The following VASH2 variants were observed in gnomAD, a reference collection of about 807,000 sequenced individuals.
VASH2 encodes vasohibin 2, also known as tubulinyl-Tyr carboxypeptidase 2.
In VASH2, 28 loss-of-function variants were observed where a neutral mutation model predicts 37.2. The ratio of observed to expected loss-of-function variants is 0.75; its 90% CI spans 0.56 to 1.03. The LOEUF (loss-of-function observed/expected upper bound fraction) is 1.03. Among genes scored for constraint, VASH2 ranks in the 50% least tolerant of loss-of-function variants. The probability of loss-of-function intolerance (pLI) is 0.00; values close to 1 mark genes in which losing one functional copy is unlikely to be tolerated. For missense variants in VASH2, 419 were observed against 459.1 expected (o/e 0.91, Z 0.80); for synonymous variants, 188 against 174.7 (o/e 1.08, Z -0.60).
At chr1:212,953,230 C>CGG (rs60925258) in intron 2 of VASH2, among the ~76,000 whole-genome samples, 4,246 of 125,636 alleles carry the variant, frequency 0.034, 212 homozygotes, top group African/African-American at 0.1. Context: ...TGCGGGTGCG[C>CGG]GGGGGGGGGT....
Position 212,951,528 on chromosome 1 carries a change from C to G in VASH2, c.-15C>G, listed in dbSNP as rs745899287. On this transcript the variant is annotated 5_prime_UTR_variant, in exon 2 of 8. Coordinates refer to ENST00000517399, the MANE Select transcript of VASH2 (RefSeq NM_001301056.2). The surrounding 1 kb of genome is among the most constrained non-coding windows in gnomAD (Gnocchi z 4.4). ...CGCGCGCCCCCAGTACCTCGCTCCC[C>G]GCCCAGGCCCCACCATGACCGGCTC... is the stretch of plus-strand genomic sequence containing the variant. The G allele has an allele frequency of 8.8e-6, 12 of 1,358,470 alleles. No homozygotes were observed. The highest frequency in any genetic ancestry group is 1.1e-5 in the Non-Finnish European group (12 of 1,050,208). The allele number at this position is 1,358,470 out of a possible 1,614,324, so 84.2% of individuals were successfully genotyped here.
intron 7 of VASH2, among the ~76,000 whole-genome samples, chr1:212,988,053 C>T (rs1375447285): frequency 6.6e-6 from 1 of 152,168 alleles, no homozygotes; most frequent in Non-Finnish European, 1.5e-5. Flanking sequence ...CAAGCCTGAA[C>T]ATTAACCGCT....
At chr1:212,973,793 T>C (rs900340512) in intron 6 of VASH2, 162 bp from the exon 7 acceptor site, 8 of 1,403,838 alleles carry the variant, frequency 5.7e-6, no homozygotes, top group Non-Finnish European at 7.4e-6. Context: ...GAGAGAGGAA[T>C]GTGTGTGTCT....
rs1038799327 is a variant in VASH2 at position 212,951,119 on chromosome 1, C to G, written c.-204-220C>G. ...CCCCAAGCTCCTTGTGCCCCTCCATCCCCAACCCCCCGGGTTTAGGTGTGT... is the reference window on the plus strand; with the variant it reads ...CCCCAAGCTCCTTGTGCCCCTCCATGCCCAACCCCCCGGGTTTAGGTGTGT... On this transcript the variant is annotated intron_variant, in intron 1 of 7. Coordinates refer to ENST00000517399, the MANE Select transcript of VASH2 (RefSeq NM_001301056.2). The surrounding 1 kb of genome is among the most constrained non-coding windows in gnomAD (Gnocchi z 4.4). 6.6e-6 allele frequency: 1 copy of G among 152,402 alleles called. No homozygotes were observed. Among genetic ancestry groups the G allele is most frequent in the Non-Finnish European group, 1.5e-5 (1 of 68,134 alleles). 9.4% of individuals were successfully genotyped at this position (152,402 alleles called of 1,614,324 possible).
At chr1:212,968,338 G>T in intron 5 of VASH2, 4 of 985,470 alleles carry the variant, frequency 4.1e-6, no homozygotes, top group Non-Finnish European at 3.6e-6. Flanking sequence ...GGAAAGAGAG[G>T]TAGAAAGAAA....
chr1:212,969,210 T>C (rs891709474), intron 5 of VASH2: 58 of 948,212 alleles, frequency 6.1e-5, no homozygotes, highest in Non-Finnish European at 7.2e-5. Flanking sequence ...TTTTTTTTTT[T>C]GAGACGGAGT....
intron 7 of VASH2, among the ~76,000 whole-genome samples, chr1:212,988,161 C>A (rs1558155007): frequency 1.3e-5 from 2 of 152,176 alleles, no homozygotes; most frequent in Admixed American, 1.3e-4. Context: ...AGATTCTTGG[C>A]TCTACTGTAG....
At chr1:212,963,395 T>G (rs1455102803) in intron 3 of VASH2, among the ~76,000 whole-genome samples, 1 of 152,138 alleles carries the variant, frequency 6.6e-6, no homozygotes, top group Non-Finnish European at 1.5e-5. Flanking sequence ...GACCTGACTT[T>G]TATTTAGTTC....
chr1:212,963,255 C>T (rs1195816678), intron 3 of VASH2, among the ~76,000 whole-genome samples: 1 of 152,132 alleles, frequency 6.6e-6, no homozygotes, highest in Admixed American at 6.5e-5. Flanking sequence ...GGTCAATGAC[C>T]AACAGCATCA....
intron 2 of VASH2, among the ~76,000 whole-genome samples, chr1:212,954,902 C>T (rs1436316995): frequency 3.3e-5 from 5 of 152,192 alleles, no homozygotes; most frequent in African/African-American, 1.2e-4. Context: ...GTTCTCTATC[C>T]CCAGTCCTAT....
intron 5 of VASH2, chr1:212,967,037 G>A (rs1235821150): frequency 8.3e-6 from 10 of 1,210,484 alleles, no homozygotes; most frequent in Middle Eastern, 2.2e-4. Flanking sequence ...GAGCCATCGC[G>A]CCTGGCTCGC....
At chr1:212,973,425 G>T (rs748033133) in intron 6 of VASH2, 1 of 1,291,452 alleles carries the variant, frequency 7.7e-7, no homozygotes, top group Non-Finnish European at 1.0e-6. Context: ...TCCCTCCAGG[G>T]CTTGTGCAGT....
At chr1:212,986,197 A>G (rs1300616825) in intron 7 of VASH2, among the ~76,000 whole-genome samples, 1 of 152,232 alleles carries the variant, frequency 6.6e-6, no homozygotes, top group African/African-American at 2.4e-5. Flanking sequence ...ATCTTTTTCT[A>G]AAGCAAGGAA....
intron 7 of VASH2, among the ~76,000 whole-genome samples, chr1:212,979,518 C>T (rs1300973483): frequency 6.6e-6 from 1 of 152,172 alleles, no homozygotes; most frequent in Non-Finnish European, 1.5e-5. Context: ...CCCTGTCTGC[C>T]ATGGATAATT....
intron 2 of VASH2, chr1:212,952,773 G>A (rs1666361467): frequency 6.6e-6 from 1 of 152,180 alleles, no homozygotes; most frequent in Admixed American, 6.6e-5. Flanking sequence ...GCAGGTCTAG[G>A]AATGCCAGAC....
At chr1:212,953,922 A>G (rs75090947) in intron 2 of VASH2, among the ~76,000 whole-genome samples, 2,456 of 150,348 alleles carry the variant, frequency 0.016, 72 homozygotes, top group African/African-American at 0.056. Context: ...CTTTTTTCTT[A>G]TTTTGGAGAC....
chr1:212,953,237 G>T (rs906464242), intron 2 of VASH2, among the ~76,000 whole-genome samples: 1 of 151,942 alleles, frequency 6.6e-6, no homozygotes, highest in South Asian at 2.1e-4. Context: ...GCGCGGGGGG[G>T]GGTGCATTCT....
At chr1:212,968,822 A>G in intron 5 of VASH2, 1 of 985,496 alleles carries the variant, frequency 1.0e-6, no homozygotes. Context: ...AGGGGAACAC[A>G]AGCCCAGGCC....
Position 212,991,227 on chromosome 1 carries a change from A to G in VASH2, c.*2643A>G, listed in dbSNP as rs768173544. 6.6e-6 allele frequency: 1 copy of G among 152,222 alleles called. No homozygotes were observed. Among genetic ancestry groups the G allele is most frequent in the Non-Finnish European group, 1.5e-5 (1 of 68,040 alleles). 9.4% of individuals were successfully genotyped at this position (152,222 alleles called of 1,614,324 possible). ...TCACTTTTTCTAAGTCAATTATTTC[A>G]TAAGGATTTTATTAATAGATATTGG... On this transcript the variant is annotated 3_prime_UTR_variant, in exon 8 of 8. Transcript: ENST00000517399.
Sources: allele counts gnomAD v4.1 joint callset (sites outside exome capture counted in the v4.1 genomes callset), GRCh38; gene constraint gnomAD v4.1.1; non-coding constraint Gnocchi (gnomAD v3.1); transcripts MANE v1.5; gene names NCBI Gene and HGNC (gene_info 2026-07-23, HGNC 2026-07-21).